TFCP2: variants seen among roughly 807,000 people sequenced by gnomAD.
TFCP2 encodes the protein alpha-globin transcription factor CP2.
A neutral mutation model predicts 73.4 loss-of-function variants in TFCP2; 33 were observed. The ratio of observed to expected loss-of-function variants is 0.45; its 90% CI spans 0.34 to 0.60. TFCP2 has a LOEUF of 0.60. Among genes scored for constraint, TFCP2 ranks in the 20% least tolerant of loss-of-function variants. The probability of loss-of-function intolerance (pLI) is 0.01; values close to 1 mark genes in which losing one functional copy is unlikely to be tolerated. For missense variants in TFCP2, 352 were observed against 604.0 expected, an observed-to-expected ratio of 0.58 and a Z score of 4.37; for synonymous variants, 193 against 211.6, an observed-to-expected ratio of 0.91 and a Z score of 0.76.
At chr12:51,122,568 A>G (rs1465078529) in intron 1 of TFCP2, among the ~76,000 whole-genome samples, 1 of 151,954 alleles carries the variant, frequency 6.6e-6, no homozygotes, top group Non-Finnish European at 1.5e-5. Context: ...CTATGAAACA[A>G]TTTTCTAATC....
At chr12:51,166,381 T>C (rs1014486290) in intron 1 of TFCP2, among the ~76,000 whole-genome samples, 6 of 151,334 alleles carry the variant, frequency 4.0e-5, no homozygotes, top group Middle Eastern at 3.4e-3. Flanking sequence ...CTGGGCAACA[T>C]AGCATGACCC....
intron 1 of TFCP2, among the ~76,000 whole-genome samples, chr12:51,152,086 T>G (rs571959736): frequency 6.6e-6 from 1 of 152,264 alleles, no homozygotes; most frequent in African/African-American, 2.4e-5. Flanking sequence ...CAAGACATTA[T>G]TACAAAAGGC....
intron 13 of TFCP2, 84 bp from the exon 14 acceptor site, chr12:51,096,124 C>A: frequency 9.4e-7 from 1 of 1,067,786 alleles, no homozygotes; most frequent in Non-Finnish European, 1.4e-6. Flanking sequence ...TACCCCACAT[C>A]CAGAGGGATT....
chr12:51,159,748 A>C (rs1002335122), intron 1 of TFCP2, among the ~76,000 whole-genome samples: 1 of 152,030 alleles, frequency 6.6e-6, no homozygotes, highest in Non-Finnish European at 1.5e-5. Context: ...TCAGCCTCCC[A>C]AAGTCCTGGG....
chr12:51,104,138 T>C lies in TFCP2; in HGVS notation c.966+17A>G. On this transcript the variant is annotated intron_variant, in intron 9 of 14. Coordinates refer to ENST00000257915, the MANE Select transcript of TFCP2 (RefSeq NM_005653.5). ...TACCAGACATTGCAAGTAACTGACA[T>C]TCAACTTTAGACTTACATCTGTGAC... 1.2e-6 allele frequency: 2 copies of C among 1,613,790 alleles called. No homozygotes were observed. Among genetic ancestry groups the C allele is most frequent in the Non-Finnish European group, 8.5e-7 (1 of 1,179,656 alleles).
chr12:51,117,720 T>C lies in TFCP2; in HGVS notation c.302A>G (p.Asp101Gly), dbSNP rs759197805. 20 of 1,613,140 alleles carry C rather than the reference T, an allele frequency of 1.2e-5. No individual in the cohort carries two copies. Among genetic ancestry groups the C allele is most frequent in the Non-Finnish European group, 1.6e-5 (19 of 1,179,532 alleles). Reference protein sequence around the residue: ...QGQSYEIRMLDNRKLGELPEI... With the variant: ...QGQSYEIRMLGNRKLGELPEI... ...TGGAAGTTCTCCAAGTTTCCTATTG[T>C]CTAGCATTCGAATTTCATAAGACTG... The change falls in exon 3 of 15, where the codon GAC (aspartate) becomes GGC (glycine). Residue 101 changes from aspartate (D) to glycine (G), a missense_variant. This residue lies in a region of TFCP2 where 76 missense variants were observed against 163.2 expected (regional missense o/e 0.47). Transcript: ENST00000257915.
In TFCP2 at chr12:51,172,329, C is replaced by A; in HGVS notation, c.94G>T (p.Glu32Ter). Residue 32 changes from glutamate to a stop codon, truncating the protein, a stop_gained, in exon 1 of 15, where the codon GAA (glutamate) becomes TAA (stop). Transcript: ENST00000257915. LOFTEE classifies it high-confidence loss of function. The part of the protein sequence containing the change: ...FDASLSGIGQ[E>*]LGAGAYSMSD... ...ATGCTATAGGCACCAGCACCCAGTT[C>A]CTGGCCGATCCCGGACAGGCTAGCA... 1 of 1,614,168 alleles carries A rather than the reference C, an allele frequency of 6.2e-7. No homozygotes were observed. The highest frequency in any genetic ancestry group is 8.5e-7 in the Non-Finnish European group (1 of 1,180,034).
At chr12:51,118,807 G>A (rs202010433) in intron 1 of TFCP2, 35 bp from the exon 2 acceptor site, 16 of 1,609,030 alleles carry the variant, frequency 9.9e-6, no homozygotes, top group Non-Finnish European at 1.3e-5. Flanking sequence ...TTAATACCTG[G>A]CAATGGTGCA....
At chr12:51,163,989 G>C (rs1035383787) in intron 1 of TFCP2, among the ~76,000 whole-genome samples, 1 of 151,968 alleles carries the variant, frequency 6.6e-6, no homozygotes, top group Admixed American at 6.6e-5. Flanking sequence ...AGGATCGCTT[G>C]AGGCCAGGAG....
chr12:51,132,622 G>A (rs1017308976), intron 1 of TFCP2, among the ~76,000 whole-genome samples: 6 of 151,974 alleles, frequency 3.9e-5, no homozygotes, highest in Non-Finnish European at 8.8e-5. Flanking sequence ...ACCTGCCTCT[G>A]CCTCCCAAAG....
chr12:51,170,434 T>G (rs1480465108), intron 1 of TFCP2, among the ~76,000 whole-genome samples: 1 of 151,776 alleles, frequency 6.6e-6, no homozygotes, highest in Non-Finnish European at 1.5e-5. Flanking sequence ...CTCAAACTCC[T>G]GGGCTCAAGC....
At chr12:51,109,723 T>G (rs1940347685) in intron 5 of TFCP2, among the ~76,000 whole-genome samples, 7 of 151,706 alleles carry the variant, frequency 4.6e-5, no homozygotes, top group Admixed American at 3.3e-4. Flanking sequence ...GAATTTTTTT[T>G]TTTTTTTTTT....
chr12:51,112,637 C>T (rs575380456), intron 4 of TFCP2, among the ~76,000 whole-genome samples: 7 of 152,150 alleles, frequency 4.6e-5, no homozygotes, highest in African/African-American at 1.7e-4. Context: ...GAGGCCAAGG[C>T]GGGTGGATCA....
intron 1 of TFCP2, among the ~76,000 whole-genome samples, chr12:51,145,666 G>GTTAA: frequency 1.3e-5 from 2 of 150,538 alleles, no homozygotes; most frequent in African/African-American, 4.9e-5. Context: ...AAGAACTTTA[G>GTTAA]GCCAGGCATG....
rs773621505 is a variant in TFCP2, at chr12:51,109,159, G to T, written c.679C>A (p.His227Asn). The T allele has an allele frequency of 6.2e-7, 1 of 1,614,214 alleles. No individual in the cohort carries two copies. Among genetic ancestry groups the T allele is most frequent in the South Asian group, 1.1e-5 (1 of 91,090 alleles). The change falls in exon 6 of 15, where the codon CAC becomes AAC. Residue 227 changes from histidine to asparagine, a missense_variant. By Grantham distance (68) the His-to-Asn change is moderately conservative. Around this residue, in one of 6 missense-constraint regions of TFCP2, gnomAD observed 47 missense variants for 89.1 expected, o/e 0.53. Coordinates refer to ENST00000257915, the MANE Select transcript of TFCP2 (RefSeq NM_005653.5). ...ATCTGGCAGCTGGCCGAGTGTAAGT[G>T]CTCAGTATATTCCCCGTTTTCATTC... ...KENENGEYTEHLHSASCQIKV... is the reference protein window; with the variant it reads ...KENENGEYTENLHSASCQIKV...
At chr12:51,156,041 G>T (rs1941529834) in intron 1 of TFCP2, among the ~76,000 whole-genome samples, 1 of 136,694 alleles carries the variant, frequency 7.3e-6, no homozygotes, top group African/African-American at 2.8e-5. Flanking sequence ...GACTCTTTTT[G>T]TCTCAAAAAA....
chr12:51,116,424 A>G lies in TFCP2; in HGVS notation c.352-4T>C, dbSNP rs2136981221. 1.3e-6 allele frequency: 2 copies of G among 1,530,618 alleles called. No individual in the cohort carries two copies. Among genetic ancestry groups the G allele is most frequent in the Non-Finnish European group, 1.8e-6 (2 of 1,121,842 alleles). The allele number at this position is 1,530,618 out of a possible 1,614,324, so 94.8% of individuals were successfully genotyped here. ...GGAACACCACACGGAATATACTCTA[A>G]AAGGATACAACAAAATCAGATGATA... On this transcript the variant is annotated splice_region_variant and splice_polypyrimidine_tract_variant and intron_variant, in intron 3 of 14. Transcript: ENST00000257915.
At chr12:51,110,779 G>T in intron 5 of TFCP2, 98 bp downstream of exon 5, 1 of 934,150 alleles carries the variant, frequency 1.1e-6, no homozygotes, top group Non-Finnish European at 1.7e-6. Context: ...CTAGAACCCT[G>T]TAAAGATTTC....
intron 13 of TFCP2, among the ~76,000 whole-genome samples, chr12:51,097,361 C>A (rs1486688257): frequency 6.6e-6 from 1 of 152,084 alleles, no homozygotes; most frequent in East Asian, 1.9e-4. Context: ...CAGTTCTCTG[C>A]CTCAGCCTCC....
Sources: gnomAD v4.1 joint callset for allele counts (sites outside exome capture counted in the v4.1 genomes callset) on GRCh38, gnomAD v4.1.1 for gene constraint, gnomAD v4.1.1 regional missense constraint, MANE v1.5 for transcripts, NCBI Gene and HGNC (gene_info 2026-07-23, HGNC 2026-07-21) for gene names.